ROBO2: variants seen among roughly 807,000 people sequenced by gnomAD.
ROBO2 encodes the protein roundabout guidance receptor 2, also known as roundabout homolog 2.
Under a neutral mutation model 160.8 loss-of-function variants are expected in ROBO2, and 53 were observed. The observed-to-expected ratio is 0.33, with a 90% CI of 0.26 to 0.41. ROBO2 has a LOEUF of 0.41. ROBO2 is among the 10% of genes least tolerant of loss of function. The pLI, the probability that ROBO2 is intolerant of heterozygous loss-of-function variation, is 1.00. For missense variants in ROBO2, 1,577 were observed against 1,722.4 expected (o/e 0.92, Z 1.49); for synonymous variants, 664 against 611.7 (o/e 1.09, Z -1.26).
At position 77,151,681 on chromosome 3, in the gene ROBO2, A is replaced by G. The variant is rs145433548; in HGVS notation, c.388+53341A>G. Among the ~76,000 whole-genome samples, 755 of 152,296 alleles carry G rather than the reference A, an allele frequency of 5.0e-3. 2 individuals carry two copies. Among genetic ancestry groups the G allele is most frequent in the Middle Eastern group, 0.017 (5 of 294 alleles). On this transcript the variant is annotated intron_variant, in intron 2 of 25. Coordinates refer to ENST00000461745, the Ensembl canonical transcript of ROBO2. ...CATAGTCATTTACCAAGTGCCCAACACATTTTTAAATCAGAGAAAAATACA... is the reference window on the plus strand; with the variant it reads ...CATAGTCATTTACCAAGTGCCCAACGCATTTTTAAATCAGAGAAAAATACA...
At chr3:76,271,656 A>C (rs1707438077) in intron 2 of ROBO2, among the ~76,000 whole-genome samples, 1 of 151,752 alleles carries the variant, frequency 6.6e-6, no homozygotes, top group Admixed American at 6.6e-5. Flanking sequence ...GTATTCATGA[A>C]TATATGCATC....
chr3:75,963,452 C>A (rs963901791), intron 2 of ROBO2, among the ~76,000 whole-genome samples: 5 of 151,836 alleles, frequency 3.3e-5, no homozygotes, highest in Non-Finnish European at 7.4e-5. Context: ...CCACCTTTGC[C>A]TCCCAAAGTT....
At chr3:76,273,450 C>G (rs952959345) in intron 2 of ROBO2, among the ~76,000 whole-genome samples, 4 of 151,730 alleles carry the variant, frequency 2.6e-5, no homozygotes, top group Non-Finnish European at 4.4e-5. Context: ...AAGAACTGCC[C>G]GAGACTGGGT....
intron 8 of ROBO2, among the ~76,000 whole-genome samples, chr3:77,554,735 C>A (rs758404027): frequency 7.2e-5 from 11 of 151,900 alleles, no homozygotes; most frequent in East Asian, 1.9e-4. Flanking sequence ...ACAAATTGAA[C>A]AAATGAAGAA....
chr3:76,702,149 A>G lies in ROBO2; in HGVS notation c.110-395865A>G, dbSNP rs182707816. ...TAATTAGCTCTTTAATTTTTTTTAT[A>G]TCTTTATCCCTTTCCATTACCAAAT... On this transcript the variant is annotated intron_variant, in intron 2 of 26. Transcript: ENST00000487694. 2.4e-3 allele frequency among the ~76,000 whole-genome samples: 359 copies of G among 152,024 alleles called. 1 individual carries two copies. The highest frequency in any genetic ancestry group is 6.0e-3 in the African/African-American group (249 of 41,516).
intron 2 of ROBO2, among the ~76,000 whole-genome samples, chr3:76,855,123 A>C (rs1162473455): frequency 6.6e-6 from 1 of 152,236 alleles, no homozygotes; most frequent in Non-Finnish European, 1.5e-5. Context: ...ATGGCTACAT[A>C]AGTAACCTAA....
chr3:75,915,321 G>C (rs1946766564), intron 1 of ROBO2, among the ~76,000 whole-genome samples: 1 of 152,080 alleles, frequency 6.6e-6, no homozygotes, highest in Non-Finnish European at 1.5e-5. Flanking sequence ...TGTAAAACCA[G>C]AACAGCAGAG....
chr3:77,237,442 T>TG (rs1553862773), intron 2 of ROBO2, among the ~76,000 whole-genome samples: 3 of 150,814 alleles, frequency 2.0e-5, no homozygotes, highest in East Asian at 3.9e-4. Context: ...TGTGTGTGTG[T>TG]GTGGTGGTGA....
chr3:76,412,228 C>G (rs1375794486), intron 2 of ROBO2, among the ~76,000 whole-genome samples: 1 of 151,894 alleles, frequency 6.6e-6, no homozygotes, highest in Non-Finnish European at 1.5e-5. Context: ...TTTACCTCCC[C>G]CTGGGTCCCT....
At chr3:77,607,840 A>G (rs746256476) in exon 21 of ROBO2, 1 of 1,614,034 alleles carries the variant, frequency 6.2e-7, no homozygotes. Context: ...AACTCTTCTA[A>G]ACCACAGAAA....
intron 2 of ROBO2, among the ~76,000 whole-genome samples, chr3:77,464,250 C>G (rs1009898547): frequency 1.3e-5 from 2 of 152,286 alleles, no homozygotes; most frequent in South Asian, 2.1e-4. Flanking sequence ...TGACTAAGCC[C>G]ATTATCTTTA....
At chr3:77,086,953 A>G (rs1344550984) in intron 1 of ROBO2, among the ~76,000 whole-genome samples, 2 of 152,318 alleles carry the variant, frequency 1.3e-5, no homozygotes, top group East Asian at 3.9e-4. Flanking sequence ...AAAATTTATC[A>G]AGAGTTTCTG....
At chr3:77,276,229 A>G (rs1380165321) in intron 2 of ROBO2, among the ~76,000 whole-genome samples, 1 of 150,514 alleles carries the variant, frequency 6.6e-6, no homozygotes, top group East Asian at 1.9e-4. Context: ...AAAAAAAAAA[A>G]CAAAAGAAAA....
intron 2 of ROBO2, among the ~76,000 whole-genome samples, chr3:76,748,670 G>A (rs1218271922): frequency 1.3e-5 from 2 of 151,672 alleles, no homozygotes; most frequent in Non-Finnish European, 2.9e-5. Flanking sequence ...TTATCTAATT[G>A]GTGGTGTGTT....
chr3:77,118,965 A>G (rs1412571401), intron 2 of ROBO2, among the ~76,000 whole-genome samples: 1 of 152,072 alleles, frequency 6.6e-6, no homozygotes, highest in African/African-American at 2.4e-5. Context: ...TCTCATCTTG[A>G]GTTGTCCACT....
chr3:76,516,270 A>G (rs946303906), intron 2 of ROBO2, among the ~76,000 whole-genome samples: 3 of 152,126 alleles, frequency 2.0e-5, no homozygotes, highest in Admixed American at 6.6e-5. Context: ...AGATGACCCT[A>G]AATTGTTCTT....
intron 2 of ROBO2, among the ~76,000 whole-genome samples, chr3:76,314,021 T>C (rs1266215527): frequency 6.6e-6 from 1 of 152,038 alleles, no homozygotes; most frequent in Non-Finnish European, 1.5e-5. Flanking sequence ...GTCAGAACAT[T>C]TGGAAAAAAG....
intron 2 of ROBO2, among the ~76,000 whole-genome samples, chr3:77,414,605 CA>C (rs1284549901): frequency 6.6e-6 from 1 of 151,946 alleles, no homozygotes; most frequent in Non-Finnish European, 1.5e-5. Flanking sequence ...GAGCTAGGCA[CA>C]AGTGTAGAAG....
intron 2 of ROBO2, among the ~76,000 whole-genome samples, chr3:76,669,998 A>G (rs1357532411): frequency 6.6e-6 from 1 of 152,170 alleles, no homozygotes; most frequent in Non-Finnish European, 1.5e-5. Flanking sequence ...TAAGGCATAT[A>G]CTAATTTGTA....
Sources: allele counts gnomAD v4.1 joint callset (sites outside exome capture counted in the v4.1 genomes callset), GRCh38; gene constraint gnomAD v4.1.1; transcripts MANE v1.5; gene names NCBI Gene and HGNC (gene_info 2026-07-23, HGNC 2026-07-21).